Variants in NDE1 observed in about 807,000 individuals in gnomAD.
NDE1 encodes nudE neurodevelopment protein 1, also known as nuclear distribution protein nudE homolog 1.
Under a neutral mutation model 43.4 loss-of-function variants are expected in NDE1, and 28 were observed. The ratio of observed to expected loss-of-function variants is 0.65; its 90% confidence interval spans 0.48 to 0.89. NDE1 has a LOEUF of 0.89. NDE1 is among the 40% of genes least tolerant of loss of function. The pLI, the probability that NDE1 is intolerant of heterozygous loss-of-function variation, is 0.00. For synonymous variants in NDE1, 184 were observed against 172.0 expected, an observed-to-expected ratio of 1.07 and a Z score of -0.55; for missense variants, 441 against 434.1, an observed-to-expected ratio of 1.02 and a Z score of -0.14.
chr16:15,712,157 AAG>A (rs1164167616), intron 8 of NDE1, among the ~76,000 whole-genome samples: 1 of 152,192 alleles, frequency 6.6e-6, no homozygotes, highest in Admixed American at 6.5e-5. Flanking sequence ...TTTGGGGGTG[AAG>A]AGTTTCAGTC....
intron 8 of NDE1, chr16:15,719,745 A>G: frequency 6.2e-7 from 1 of 1,613,726 alleles, no homozygotes. Context: ...ACAAGCTCAG[A>G]TGTCCTTACT....
chr16:15,667,523 G>C, intron 3 of NDE1, 84 bp downstream of exon 3: 1 of 1,521,042 alleles, frequency 6.6e-7, no homozygotes, highest in Non-Finnish European at 9.0e-7. Flanking sequence ...AAGGAACCCT[G>C]CAATGAGGGA....
At chr16:15,718,091 G>A (rs1308020980) in intron 8 of NDE1, 4 of 681,226 alleles carry the variant, frequency 5.9e-6, no homozygotes, top group Admixed American at 2.9e-5. Flanking sequence ...GCCACGCCGT[G>A]GCTGGAAAAT....
intron 1 of NDE1, chr16:15,651,337 G>A (rs761626384): frequency 1.3e-5 from 2 of 151,966 alleles, no homozygotes; most frequent in African/African-American, 2.4e-5. Context: ...GACATGGGTC[G>A]GGTGTTTTGA....
intron 8 of NDE1, among the ~76,000 whole-genome samples, chr16:15,699,263 CTT>C (rs35193827): frequency 3.8e-4 from 53 of 138,912 alleles, no homozygotes; most frequent in African/African-American, 8.0e-4. Context: ...CATGCCTGGC[CTT>C]TTTTTTTTTT....
In NDE1 at chr16:15,663,302, C is replaced by T. The variant is rs780957091; in HGVS notation, c.-43-1434C>T. Among the ~76,000 whole-genome samples the T allele has an allele frequency of 3.3e-5, 5 of 151,380 alleles. No individual in the cohort carries two copies. In the South Asian group the frequency reaches 6.3e-4, roughly 19 times the overall value. On this transcript the variant is annotated intron_variant, in intron 1 of 8. Coordinates refer to ENST00000396354, the MANE Select transcript of NDE1 (RefSeq NM_017668.3). ...TCGCCCAGTCTGGAGTGCAGCGGCA[C>T]GATCTCAGCTCACTGCAACTTCCAC... is the stretch of plus-strand genomic sequence containing the variant.
intron 8 of NDE1, chr16:15,715,275 G>A: frequency 1.2e-6 from 2 of 1,613,940 alleles, no homozygotes; most frequent in Non-Finnish European, 1.7e-6. Context: ...GTTTCTCTCT[G>A]CAAACAGCAA....
chr16:15,682,985 G>A lies in NDE1; in HGVS notation c.387-4390G>A, dbSNP rs999428601. On this transcript the variant is annotated intron_variant, in intron 4 of 8. Coordinates refer to ENST00000396354, the MANE Select transcript of NDE1 (RefSeq NM_017668.3). ...CTCCCAAAGTGCTGGGATTATAGCC[G>A]TTAGCTCTCACACCCAGTCCAACTT... is the stretch of plus-strand genomic sequence containing the variant. Among the ~76,000 whole-genome samples, 24 of 151,522 alleles carry A rather than the reference G, an allele frequency of 1.6e-4. 1 individual carries two copies. The highest frequency in any genetic ancestry group is 4.4e-5 in the Non-Finnish European group (3 of 67,856).
intron 4 of NDE1, among the ~76,000 whole-genome samples, chr16:15,683,574 C>T (rs2151089660): frequency 6.6e-6 from 1 of 151,978 alleles, no homozygotes. Flanking sequence ...TCTCGATCTC[C>T]TGACTTTGTG....
At chr16:15,718,933 G>A (rs573999927) in intron 8 of NDE1, 12 of 446,870 alleles carry the variant, frequency 2.7e-5, no homozygotes, top group African/African-American at 2.2e-4. Context: ...TTCAAGACTA[G>A]CCTGGCCAAC....
Position 15,725,148 on chromosome 16 carries a change from A to C in NDE1, c.*897A>C, listed in dbSNP as rs565400287. 2.1e-3 allele frequency: 1,306 copies of C among 608,128 alleles called. 1 individual carries two copies. Among genetic ancestry groups the C allele is most frequent in the East Asian group, 7.2e-3 (252 of 34,768 alleles). The allele number at this position is 608,128 out of a possible 1,614,324, so 37.7% of individuals were successfully genotyped here. A position where few individuals can be genotyped will look rare whatever the true frequency, so the allele number is the denominator to read the frequency against. On this transcript the variant is annotated 3_prime_UTR_variant, in exon 9 of 9. Coordinates refer to ENST00000396354, the MANE Select transcript of NDE1 (RefSeq NM_017668.3). ...TGGGACTCTGATAAAAAAAAAAAAA[A>C]ACACACACACACACAAAAAAAACAG...
chr16:15,690,342 T>G (rs536714753), intron 5 of NDE1, among the ~76,000 whole-genome samples: 112 of 130,172 alleles, frequency 8.6e-4, no homozygotes, highest in Non-Finnish European at 1.5e-3. Flanking sequence ...CTGGCCTTTT[T>G]TTTTTTTTTT....
chr16:15,712,315 G>A (rs564691257), intron 8 of NDE1, among the ~76,000 whole-genome samples: 30 of 152,196 alleles, frequency 2.0e-4, no homozygotes, highest in Admixed American at 7.9e-4. Context: ...ATTCTAAAGC[G>A]CCAAGATTAG....
chr16:15,725,462 A>T lies in NDE1; in HGVS notation c.*1211A>T, dbSNP rs74009413. The T allele has an allele frequency of 2.7e-4, 114 of 420,726 alleles. No homozygotes were observed. Among genetic ancestry groups the T allele is most frequent in the Non-Finnish European group, 3.7e-4 (91 of 246,494 alleles). 26.1% of individuals were successfully genotyped at this position (420,726 alleles called of 1,614,324 possible). On this transcript the variant is annotated 3_prime_UTR_variant, in exon 9 of 9. Transcript: ENST00000396354. ...CTTCCTTCCTCACTCCTACTCTTTGACCCTGATGGCCAAAGCCAGAGACGC... is the reference window on the plus strand; with the variant it reads ...CTTCCTTCCTCACTCCTACTCTTTGTCCCTGATGGCCAAAGCCAGAGACGC...
intron 7 of NDE1, 160 bp downstream of exon 7, chr16:15,694,416 A>G (rs1165873907): frequency 1.3e-6 from 2 of 1,491,606 alleles, no homozygotes; most frequent in East Asian, 2.5e-5. Flanking sequence ...TATGATCACA[A>G]CTCACTGCAG....
At position 15,725,105 on chromosome 16, in the gene NDE1, G is replaced by T; in HGVS notation, c.*854G>T. On this transcript the variant is annotated 3_prime_UTR_variant, in exon 9 of 9. Transcript: ENST00000396354. ...AGTACTTGAGGTGTTCACTGATTGA[G>T]AAAATACCCGTGAGGTATGGGACTC... is the stretch of plus-strand genomic sequence containing the variant. The T allele has an allele frequency of 2.6e-6, 2 of 756,934 alleles. No homozygotes were observed. Among genetic ancestry groups the T allele is most frequent in the Non-Finnish European group, 4.5e-6 (2 of 443,912 alleles). 46.9% of individuals were successfully genotyped at this position (756,934 alleles called of 1,614,324 possible). A position where few individuals can be genotyped will look rare whatever the true frequency, so the allele number is the denominator to read the frequency against.
intron 8 of NDE1, chr16:15,713,684 G>C (rs191527489): frequency 6.6e-6 from 1 of 152,258 alleles, no homozygotes; most frequent in Non-Finnish European, 1.5e-5. Flanking sequence ...TTGTTGTAGA[G>C]ATGGGGTCTT....
chr16:15,694,734 C>A, intron 7 of NDE1: 1 of 985,336 alleles, frequency 1.0e-6, no homozygotes, highest in Non-Finnish European at 1.2e-6. Context: ...GGAGTTACTG[C>A]CAGACACTCA....
chr16:15,699,957 C>G lies in NDE1; in HGVS notation c.947+3097C>G, dbSNP rs889207582. The G allele has an allele frequency of 8.3e-6, 10 of 1,210,718 alleles. No homozygotes were observed. In the Admixed American group the frequency reaches 1.9e-4, roughly 22 times the overall value. The allele number at this position is 1,210,718 out of a possible 1,614,324, so 75.0% of individuals were successfully genotyped here. ...ACCATAGTTAGTTAGCTTTGCGGCC[C>G]AAGCCAATGACCGAGGCCATCACCT... On this transcript the variant is annotated intron_variant, in intron 8 of 8. Coordinates refer to ENST00000396354, the MANE Select transcript of NDE1 (RefSeq NM_017668.3).
Sources: gnomAD v4.1 joint callset for allele counts (sites outside exome capture counted in the v4.1 genomes callset) on GRCh38, gnomAD v4.1.1 for gene constraint, MANE v1.5 for transcripts, NCBI Gene and HGNC (gene_info 2026-07-23, HGNC 2026-07-21) for gene names.